The following NTRK2 variants were observed in gnomAD, a reference collection of about 807,000 sequenced individuals.
NTRK2 encodes neurotrophic receptor tyrosine kinase 2, also known as BDNF/NT-3 growth factors receptor.
NTRK2 carries 13 observed loss-of-function variants against 94.5 expected under a neutral mutation model. The ratio of observed to expected loss-of-function variants is 0.14; its 90% confidence interval spans 0.09 to 0.22. NTRK2 has a LOEUF of 0.22. Ranked by LOEUF, NTRK2 falls within the 10% of genes least tolerant of loss-of-function variation. NTRK2 has a pLI of 1.00. For missense variants in NTRK2, 639 were observed against 1,071.2 expected (o/e 0.60, Z 5.63); for synonymous variants, 372 against 407.4 (o/e 0.91, Z 1.05).
chr9:85,001,085 T>C (rs1040371261), intron 17 of NTRK2, among the ~76,000 whole-genome samples: 30 of 152,218 alleles, frequency 2.0e-4, no homozygotes, highest in African/African-American at 7.2e-4. Context: ...CAATTGAGTC[T>C]AGTTTAAAAC....
intron 17 of NTRK2, among the ~76,000 whole-genome samples, chr9:84,985,784 C>A (rs1418756419): frequency 6.6e-6 from 1 of 152,160 alleles, no homozygotes; most frequent in African/African-American, 2.4e-5. Context: ...GATTAAGGCT[C>A]CGTGTTAAGA....
At chr9:84,706,820 G>A (rs1202417522) in intron 4 of NTRK2, among the ~76,000 whole-genome samples, 3 of 152,000 alleles carry the variant, frequency 2.0e-5, no homozygotes, top group Admixed American at 1.3e-4. Context: ...GTGAGCCACC[G>A]CACCTGGCCA....
chr9:84,781,118 A>C (rs2067522632), intron 12 of NTRK2, among the ~76,000 whole-genome samples: 1 of 152,184 alleles, frequency 6.6e-6, no homozygotes, highest in African/African-American at 2.4e-5. Flanking sequence ...TAACTTTTGC[A>C]GAGAAGGCCA....
At chr9:84,921,000 G>T (rs944580712) in intron 14 of NTRK2, among the ~76,000 whole-genome samples, 1 of 152,134 alleles carries the variant, frequency 6.6e-6, no homozygotes, top group Non-Finnish European at 1.5e-5. Flanking sequence ...AGATGTAAAT[G>T]GTTCATACTA....
intron 12 of NTRK2, among the ~76,000 whole-genome samples, chr9:84,778,689 A>G (rs2067280744): frequency 6.6e-6 from 1 of 152,232 alleles, no homozygotes; most frequent in African/African-American, 2.4e-5. Flanking sequence ...CCCAGAGAAT[A>G]TAACAGTGGC....
intron 14 of NTRK2, among the ~76,000 whole-genome samples, chr9:84,888,737 G>C (rs1322361220): frequency 5.3e-5 from 8 of 149,812 alleles, no homozygotes; most frequent in Non-Finnish European, 2.9e-5. Context: ...ACCAGGCACT[G>C]GGCACCAATC....
intron 9 of NTRK2, among the ~76,000 whole-genome samples, chr9:84,730,269 G>A (rs1240217401): frequency 6.6e-6 from 1 of 152,186 alleles, no homozygotes; most frequent in Non-Finnish European, 1.5e-5. Flanking sequence ...TTGGCCCAGG[G>A]TGACAGTGGA....
At chr9:84,802,348 C>T (rs186195964) in intron 12 of NTRK2, among the ~76,000 whole-genome samples, 1 of 152,142 alleles carries the variant, frequency 6.6e-6, no homozygotes, top group South Asian at 2.1e-4. Context: ...CAGGGTTTTC[C>T]TCATATATAA....
chr9:84,887,331 A>G (rs2076448003), intron 14 of NTRK2, among the ~76,000 whole-genome samples: 2 of 152,088 alleles, frequency 1.3e-5, no homozygotes, highest in South Asian at 4.2e-4. Flanking sequence ...AGGGCCAAGG[A>G]ATCTTTTGGG....
chr9:84,854,081 A>G (rs933199174), intron 12 of NTRK2, among the ~76,000 whole-genome samples: 1 of 151,716 alleles, frequency 6.6e-6, no homozygotes, highest in African/African-American at 2.4e-5. Flanking sequence ...CAAAAAAAAA[A>G]AAAGAAAAGA....
chr9:84,813,636 G>A (rs1489493385), intron 12 of NTRK2: 1 of 1,065,918 alleles, frequency 9.4e-7, no homozygotes, highest in African/African-American at 1.6e-5. Context: ...ACCCTCAGCT[G>A]TCTCCCTTTG....
At chr9:84,920,705 A>C (rs2077538772) in intron 14 of NTRK2, among the ~76,000 whole-genome samples, 2 of 152,150 alleles carry the variant, frequency 1.3e-5, no homozygotes, top group African/African-American at 4.8e-5. Flanking sequence ...ATCCATTAGG[A>C]CTTACATTGC....
At chr9:84,915,077 G>A (rs1023089341) in intron 14 of NTRK2, among the ~76,000 whole-genome samples, 1 of 152,134 alleles carries the variant, frequency 6.6e-6, no homozygotes, top group Non-Finnish European at 1.5e-5. Context: ...GCAGTTCACC[G>A]TAGGGTTCAT....
In NTRK2 at chr9:84,797,627, T is replaced by TTATATATTATATATATTA. The variant is rs1564297301; in HGVS notation, c.1396+45557_1396+45558insTTATATATATTATATATA. Among the ~76,000 whole-genome samples, 35 of 59,188 alleles carry TTATATATTATATATATTA rather than the reference T, an allele frequency of 5.9e-4. 1 individual carries two copies. The East Asian group carries it at 0.012, about 21-fold the overall frequency. 38.8% of individuals were successfully genotyped at this position (59,188 alleles called of 152,430 possible). On this transcript the variant is annotated intron_variant, in intron 12 of 18. Coordinates refer to ENST00000277120, the MANE Select transcript of NTRK2 (RefSeq NM_006180.6). ...TTATATATAATATATATACTATATA[T>TTATATATTATATATATTA]TATATATTATATATACTATAATAAT...
At chr9:84,934,127 TC>T (rs1461954636) in intron 14 of NTRK2, 34 bp from the exon 15 acceptor site, 1 of 1,613,022 alleles carries the variant, frequency 6.2e-7, no homozygotes, top group Non-Finnish European at 8.5e-7. Flanking sequence ...TCCACATGCT[TC>T]AATTCCAATT....
intron 12 of NTRK2, among the ~76,000 whole-genome samples, chr9:84,822,941 G>T (rs984723724): frequency 6.6e-6 from 1 of 152,106 alleles, no homozygotes; most frequent in African/African-American, 2.4e-5. Context: ...CTCATTAATT[G>T]CTGCTTGCCA....
At chr9:84,829,288 A>C (rs1409658007) in intron 12 of NTRK2, among the ~76,000 whole-genome samples, 2 of 152,144 alleles carry the variant, frequency 1.3e-5, no homozygotes, top group Non-Finnish European at 1.5e-5. Flanking sequence ...TGCAAGCCAC[A>C]GCGCCTGGCC....
intron 14 of NTRK2, among the ~76,000 whole-genome samples, chr9:84,886,802 C>T (rs997188790): frequency 2.0e-5 from 3 of 152,120 alleles, no homozygotes; most frequent in African/African-American, 7.2e-5. Context: ...TCTGGGCCAC[C>T]AAATACTTTT....
At chr9:84,830,423 G>C (rs1264467465) in intron 12 of NTRK2, among the ~76,000 whole-genome samples, 2 of 152,304 alleles carry the variant, frequency 1.3e-5, no homozygotes, top group East Asian at 3.9e-4. Context: ...GTAGCTGTTA[G>C]AAACTGGCAC....
Sources: allele counts gnomAD v4.1 joint callset (sites outside exome capture counted in the v4.1 genomes callset), GRCh38; gene constraint gnomAD v4.1.1; transcripts MANE v1.5; gene names NCBI Gene and HGNC (gene_info 2026-07-23, HGNC 2026-07-21).